The following LRP1B variants were observed in gnomAD, a reference collection of about 807,000 sequenced individuals.
LRP1B encodes low-density lipoprotein receptor-related protein 1B.
LRP1B carries 217 observed loss-of-function variants against 556.6 expected under a neutral mutation model. The observed-to-expected ratio is 0.39, with a 90% CI of 0.35 to 0.44. The LOEUF is 0.44. LRP1B is among the 20% of genes least tolerant of loss of function. The pLI is 1.00. For missense variants in LRP1B, 5,053 were observed against 5,620.8 expected, an observed-to-expected ratio of 0.90 and a Z score of 3.23; for synonymous variants, 2,047 against 1,865.8, an observed-to-expected ratio of 1.10 and a Z score of -2.50.
chr2:141,275,118 C>T (rs1355598604), intron 3 of LRP1B, among the ~76,000 whole-genome samples: 2 of 152,134 alleles, frequency 1.3e-5, no homozygotes, highest in Admixed American at 1.3e-4. Flanking sequence ...CCTGATAACA[C>T]CCATGCAACC....
Position 141,019,914 on chromosome 2 carries a change from T to C in LRP1B, c.1970+8A>G, listed in dbSNP as rs1283363716. 1 of 1,557,892 alleles carries C rather than the reference T, an allele frequency of 6.4e-7. No individual in the cohort carries two copies. ...TTTCTTATATAAAGCTAGTCAAATA[T>C]TGCATACCCATTAACTGGATCCACC... On this transcript the variant is annotated splice_region_variant and intron_variant, in intron 12 of 90. Coordinates refer to ENST00000389484, the MANE Select transcript of LRP1B (RefSeq NM_018557.3).
chr2:141,409,710 A>G (rs557479015), intron 3 of LRP1B, among the ~76,000 whole-genome samples: 129 of 152,230 alleles, frequency 8.5e-4, no homozygotes, highest in Non-Finnish European at 1.4e-3. Flanking sequence ...AAATAAATGA[A>G]TAAAATAATT....
At chr2:140,828,834 AT>A (rs1463642168) in intron 31 of LRP1B, among the ~76,000 whole-genome samples, 1 of 150,094 alleles carries the variant, frequency 6.7e-6, no homozygotes, top group African/African-American at 2.4e-5. Context: ...CAGCTGAATA[AT>A]TTTTTTATTC....
At chr2:140,949,569 T>C (rs1695642864) in intron 20 of LRP1B, among the ~76,000 whole-genome samples, 1 of 93,390 alleles carries the variant, frequency 1.1e-5, no homozygotes. Context: ...GAAATAAAAG[T>C]AAAATTATTC....
chr2:140,622,255 AACTT>A (rs1359315270), intron 41 of LRP1B, among the ~76,000 whole-genome samples: 1 of 152,242 alleles, frequency 6.6e-6, no homozygotes, highest in African/African-American at 2.4e-5. Flanking sequence ...ATTGGTTTTA[AACTT>A]ACTGTCTTCA....
At chr2:141,360,461 T>C (rs1319925691) in intron 3 of LRP1B, among the ~76,000 whole-genome samples, 1 of 152,262 alleles carries the variant, frequency 6.6e-6, no homozygotes, top group Non-Finnish European at 1.5e-5. Flanking sequence ...TGGATATGTA[T>C]GTGACTGTCA....
chr2:140,356,623 G>T, intron 74 of LRP1B, 147 bp from the exon 75 acceptor site: 1 of 573,406 alleles, frequency 1.7e-6, no homozygotes, highest in Non-Finnish European at 3.1e-6. Flanking sequence ...CTCCATATAA[G>T]CCCCCATGTC....
chr2:140,360,772 G>A (rs1573844184), intron 72 of LRP1B, among the ~76,000 whole-genome samples: 2 of 151,514 alleles, frequency 1.3e-5, no homozygotes, highest in Admixed American at 1.3e-4. Context: ...CTCCTAGGAC[G>A]TTGTTTACAT....
intron 7 of LRP1B, among the ~76,000 whole-genome samples, chr2:141,088,394 G>T (rs190761765): frequency 1.3e-5 from 2 of 152,164 alleles, no homozygotes; most frequent in East Asian, 3.9e-4. Context: ...ACCCTAAAAA[G>T]TGAAATAAAA....
chr2:140,851,210 C>G (rs947863870), intron 28 of LRP1B, among the ~76,000 whole-genome samples: 4 of 151,962 alleles, frequency 2.6e-5, no homozygotes, highest in Non-Finnish European at 5.9e-5. Context: ...TTTTATTTCA[C>G]TTTTCCCCCT....
intron 41 of LRP1B, among the ~76,000 whole-genome samples, chr2:140,608,004 AAAATT>A (rs1682932305): frequency 1.3e-5 from 2 of 151,878 alleles, no homozygotes; most frequent in African/African-American, 4.8e-5. Context: ...TTAATAAAAT[AAAATT>A]ATTATCTAAA....
chr2:140,950,427 C>T lies in LRP1B; in HGVS notation c.2969-25G>A, dbSNP rs762352161. 7 of 1,564,746 alleles carry T rather than the reference C, an allele frequency of 4.5e-6. No individual in the cohort carries two copies. In the African/African-American group the frequency reaches 8.3e-5, roughly 19 times the overall value. On this transcript the variant is annotated intron_variant, in intron 19 of 90. Coordinates refer to ENST00000389484, the MANE Select transcript of LRP1B (RefSeq NM_018557.3). ...TCTGGAAAGAAACATCAACATGAGG[C>T]AGTGAAATCTGAACCATGAAGAAAT...
At chr2:142,034,511 G>A (rs1703809627) in intron 1 of LRP1B, among the ~76,000 whole-genome samples, 1 of 151,584 alleles carries the variant, frequency 6.6e-6, no homozygotes, top group African/African-American at 2.4e-5. Context: ...TCTGTAAAGA[G>A]CTTTGGGACC....
chr2:141,643,825 A>C (rs1390039694), intron 2 of LRP1B, among the ~76,000 whole-genome samples: 1 of 152,160 alleles, frequency 6.6e-6, no homozygotes, highest in Non-Finnish European at 1.5e-5. Flanking sequence ...CATTGGGAAA[A>C]GTATCTAACT....
At chr2:140,823,992 T>C (rs969799703) in intron 31 of LRP1B, among the ~76,000 whole-genome samples, 1 of 151,820 alleles carries the variant, frequency 6.6e-6, no homozygotes, top group Non-Finnish European at 1.5e-5. Flanking sequence ...TATTAAGTAC[T>C]AGGTTTAATA....
chr2:140,875,054 A>C (rs1267816700), intron 25 of LRP1B, among the ~76,000 whole-genome samples: 1 of 151,970 alleles, frequency 6.6e-6, no homozygotes, highest in Non-Finnish European at 1.5e-5. Context: ...AGTCCTGCTA[A>C]ATCTTAAATG....
chr2:140,678,139 C>T (rs966275298), intron 41 of LRP1B, among the ~76,000 whole-genome samples: 8 of 152,078 alleles, frequency 5.3e-5, no homozygotes, highest in Non-Finnish European at 7.4e-5. Context: ...CCAATTAATT[C>T]TGCAAGTGGA....
chr2:141,649,103 A>T (rs1208266050), intron 2 of LRP1B, among the ~76,000 whole-genome samples: 1 of 152,196 alleles, frequency 6.6e-6, no homozygotes, highest in Non-Finnish European at 1.5e-5. Context: ...GGTTGTGTTC[A>T]GCTGGGACAC....
At chr2:141,007,522 T>G (rs1244570839) in intron 14 of LRP1B, among the ~76,000 whole-genome samples, 1 of 151,742 alleles carries the variant, frequency 6.6e-6, no homozygotes. Flanking sequence ...CATAAATGCT[T>G]TAAGCAGCTT....
Sources: gnomAD v4.1 joint callset for allele counts (sites outside exome capture counted in the v4.1 genomes callset) on GRCh38, gnomAD v4.1.1 for gene constraint, MANE v1.5 for transcripts, NCBI Gene and HGNC (gene_info 2026-07-23, HGNC 2026-07-21) for gene names.